Variants in TNFSF15 observed in about 807,000 individuals in gnomAD.
The protein encoded by TNFSF15 is TNF superfamily member 15.
A neutral mutation model predicts 26.4 loss-of-function variants in TNFSF15; 15 were observed. That is an observed-to-expected ratio of 0.57 (90% confidence interval 0.38 to 0.87). The LOEUF (loss-of-function observed/expected upper bound fraction) is 0.87. TNFSF15 is among the 40% of genes least tolerant of loss of function. The probability of loss-of-function intolerance (pLI) is 0.00; values close to 1 mark genes in which losing one functional copy is unlikely to be tolerated. For missense variants in TNFSF15, 290 were observed against 306.1 expected (o/e 0.95, Z 0.39); for synonymous variants, 116 against 115.0 (o/e 1.01, Z -0.06).
intron 1 of TNFSF15, among the ~76,000 whole-genome samples, chr9:114,804,903 A>C (rs1219270457): frequency 6.6e-6 from 1 of 152,184 alleles, no homozygotes; most frequent in East Asian, 1.9e-4. Flanking sequence ...TTCCCTTTGC[A>C]ATTTAATACT....
chr9:114,791,638 G>C (rs2131302832), intron 3 of TNFSF15: 1 of 167,418 alleles, frequency 6.0e-6, no homozygotes, highest in East Asian at 1.9e-4. Flanking sequence ...CTTCTGCACT[G>C]TCTTGTTCTT....
At position 114,790,443 on chromosome 9, in the gene TNFSF15, G is replaced by C; in HGVS notation, c.*9C>G. ...AGAGGACTTTCATATAATGATATTT[G>C]CTCTCCTCCTATAGTAAGAAGGCTC... On this transcript the variant is annotated 3_prime_UTR_variant, in exon 4 of 4. Coordinates refer to ENST00000374045, the MANE Select transcript of TNFSF15 (RefSeq NM_005118.4). The C allele has an allele frequency of 6.4e-7, 1 of 1,567,490 alleles. No homozygotes were observed. The highest frequency in any genetic ancestry group is 8.6e-7 in the Non-Finnish European group (1 of 1,156,428).
At chr9:114,791,212 T>G (rs1829592745) in intron 3 of TNFSF15, 1 of 518,550 alleles carries the variant, frequency 1.9e-6, no homozygotes, top group Non-Finnish European at 3.5e-6. Flanking sequence ...GGTTAAGGAA[T>G]CCCCCTATTC....
At chr9:114,799,081 GTCATT>G (rs1829707279) in intron 1 of TNFSF15, among the ~76,000 whole-genome samples, 1 of 152,148 alleles carries the variant, frequency 6.6e-6, no homozygotes, top group South Asian at 2.1e-4. Flanking sequence ...TTATTCTGAG[GTCATT>G]TCATTTCATC....
rs1226087179 is a variant in TNFSF15 at position 114,784,762 on chromosome 9, T to C, written c.*5690A>G. 2 of 152,236 alleles carry C rather than the reference T, an allele frequency of 1.3e-5. No individual in the cohort carries two copies. Among genetic ancestry groups the C allele is most frequent in the Non-Finnish European group, 2.9e-5 (2 of 68,038 alleles). The allele number at this position is 152,236 out of a possible 1,614,324, so 9.4% of individuals were successfully genotyped here. ...TACACTAGTACCCAAAGACATGGGATGCATACCAGTTAAGTACGTATCCAA... is the reference window on the plus strand; with the variant it reads ...TACACTAGTACCCAAAGACATGGGACGCATACCAGTTAAGTACGTATCCAA... On this transcript the variant is annotated 3_prime_UTR_variant, in exon 4 of 4. Transcript: ENST00000374045.
intron 1 of TNFSF15, among the ~76,000 whole-genome samples, chr9:114,798,590 T>A (rs1829702294): frequency 6.6e-6 from 1 of 152,010 alleles, no homozygotes; most frequent in African/African-American, 2.4e-5. Flanking sequence ...AAAGGAGGGG[T>A]CAGCATCACC....
In TNFSF15 at chr9:114,786,511, G is replaced by A. The variant is rs527498138; in HGVS notation, c.*3941C>T. 2.6e-5 allele frequency: 4 copies of A among 152,286 alleles called. No individual in the cohort carries two copies. Among genetic ancestry groups the A allele is most frequent in the South Asian group, 2.1e-4 (1 of 4,824 alleles). The allele number at this position is 152,286 out of a possible 1,614,324, so 9.4% of individuals were successfully genotyped here. On this transcript the variant is annotated 3_prime_UTR_variant, in exon 4 of 4. Coordinates refer to ENST00000374045, the MANE Select transcript of TNFSF15 (RefSeq NM_005118.4). ...GGGTGATGAGAACTGAATAGTTTAG[G>A]TTGAAATGGAGCCAAGAGTTCTGGT...
chr9:114,792,653 A>G lies in TNFSF15; in HGVS notation c.254-199T>C, dbSNP rs933372724. ...ACCACCAAGGACAGGGTGACTCAGA[A>G]GAAAGAGTCTTGAACACAAATGAAT... On this transcript the variant is annotated intron_variant, in intron 2 of 3. Transcript: ENST00000374045. 5 of 1,276,214 alleles carry G rather than the reference A, an allele frequency of 3.9e-6. No individual in the cohort carries two copies. The African/African-American group carries it at 6.0e-5, about 15-fold the overall frequency. The allele number at this position is 1,276,214 out of a possible 1,614,324, so 79.1% of individuals were successfully genotyped here.
At chr9:114,792,275 T>G in intron 3 of TNFSF15, 132 bp downstream of exon 3, 1 of 972,690 alleles carries the variant, frequency 1.0e-6, no homozygotes, top group Non-Finnish European at 1.5e-6. Context: ...ACTGGAATAT[T>G]GAGGGGAGGA....
At chr9:114,793,918 T>C (rs1377498073) in intron 1 of TNFSF15, among the ~76,000 whole-genome samples, 1 of 152,238 alleles carries the variant, frequency 6.6e-6, no homozygotes, top group Non-Finnish European at 1.5e-5. Context: ...TTATTTTCTT[T>C]CCTCTACCAT....
intron 1 of TNFSF15, among the ~76,000 whole-genome samples, chr9:114,800,468 G>A (rs1829731432): frequency 1.3e-5 from 2 of 152,172 alleles, no homozygotes; most frequent in African/African-American, 2.4e-5. Context: ...GTGAATACTT[G>A]GTTGGACTTA....
At chr9:114,792,488 A>C (rs763005168) in intron 2 of TNFSF15, 34 bp from the exon 3 acceptor site, 5 of 1,613,704 alleles carry the variant, frequency 3.1e-6, no homozygotes, top group Non-Finnish European at 3.4e-6. Flanking sequence ...TTTGTATGAG[A>C]CAAAGGGTGA....
At position 114,788,878 on chromosome 9, in the gene TNFSF15, G is replaced by A. The variant is rs536175623; in HGVS notation, c.*1574C>T. ...ACATATTAGCGTAGGAAAATCATAC[G>A]GACTAGAGGATATGAACCCACTGAA... On this transcript the variant is annotated 3_prime_UTR_variant, in exon 4 of 4. Coordinates refer to ENST00000374045, the MANE Select transcript of TNFSF15 (RefSeq NM_005118.4). 14 of 152,232 alleles carry A rather than the reference G, an allele frequency of 9.2e-5. No individual in the cohort carries two copies. The highest frequency in any genetic ancestry group is 2.4e-4 in the African/African-American group (10 of 41,512). 9.4% of individuals were successfully genotyped at this position (152,232 alleles called of 1,614,324 possible).
chr9:114,791,728 A>G (rs757990066), intron 3 of TNFSF15: 4 of 167,168 alleles, frequency 2.4e-5, no homozygotes, highest in Admixed American at 1.3e-4. Flanking sequence ...AAGTTGGCCA[A>G]CTGGTGATAG....
chr9:114,804,757 A>AGTCTGTTTG (rs1237149676), intron 1 of TNFSF15, among the ~76,000 whole-genome samples: 2 of 152,210 alleles, frequency 1.3e-5, no homozygotes, highest in Non-Finnish European at 2.9e-5. Context: ...CCTGAATCAC[A>AGTCTGTTTG]GTCTGTTTGT....
Position 114,793,553 on chromosome 9 carries a change from C to G in TNFSF15, c.226G>C (p.Glu76Gln). 1 of 1,613,902 alleles carries G rather than the reference C, an allele frequency of 6.2e-7. No individual in the cohort carries two copies. The highest frequency in any genetic ancestry group is 8.5e-7 in the Non-Finnish European group (1 of 1,179,802). ...ACTTGCTGATGTGAAGGTGCAAACT[C>G]CTGTCCTTTTAGAGCCTATTGGGAA... Reference protein sequence around the residue: ...CVQFQALKGQEFAPSHQQVYA... With the variant: ...CVQFQALKGQQFAPSHQQVYA... The change falls in exon 2 of 4, where the codon GAG becomes CAG. Residue 76 changes from glutamate to glutamine, a missense_variant. By Grantham distance (29) the Glu-to-Gln change is conservative (BLOSUM62 2). Coordinates refer to ENST00000374045, the MANE Select transcript of TNFSF15 (RefSeq NM_005118.4).
At chr9:114,796,889 G>A (rs1307813763) in intron 1 of TNFSF15, among the ~76,000 whole-genome samples, 1 of 152,212 alleles carries the variant, frequency 6.6e-6, no homozygotes, top group Non-Finnish European at 1.5e-5. Context: ...CACCTATCCA[G>A]AATCAATAAC....
Position 114,786,594 on chromosome 9 carries a change from C to T in TNFSF15, c.*3858G>A, listed in dbSNP as rs912885070. On this transcript the variant is annotated 3_prime_UTR_variant, in exon 4 of 4. Transcript: ENST00000374045. ...CAGGAAGTGAAAACGTACACTTTTCCCTTTTCTTACTGTACCTTAGTAAAA... is the reference window on the plus strand; with the variant it reads ...CAGGAAGTGAAAACGTACACTTTTCTCTTTTCTTACTGTACCTTAGTAAAA... 4 of 152,102 alleles carry T rather than the reference C, an allele frequency of 2.6e-5. No individual in the cohort carries two copies. The highest frequency in any genetic ancestry group is 5.9e-5 in the Non-Finnish European group (4 of 68,030). 9.4% of individuals were successfully genotyped at this position (152,102 alleles called of 1,614,324 possible). A position where few individuals can be genotyped will look rare whatever the true frequency, so the allele number is the denominator to read the frequency against.
rs1829470292 is a variant in TNFSF15, at chr9:114,784,852, G to A, written c.*5600C>T. ...AACATAAAACATAAAATCAATGAAAGCACATGGGGTTTGTCACTAAAACCA... is the reference window on the plus strand; with the variant it reads ...AACATAAAACATAAAATCAATGAAAACACATGGGGTTTGTCACTAAAACCA... On this transcript the variant is annotated 3_prime_UTR_variant, in exon 4 of 4. Coordinates refer to ENST00000374045, the MANE Select transcript of TNFSF15 (RefSeq NM_005118.4). The A allele has an allele frequency of 1.3e-5, 2 of 152,174 alleles. No homozygotes were observed. Among genetic ancestry groups the A allele is most frequent in the South Asian group, 4.1e-4 (2 of 4,832 alleles). 9.4% of individuals were successfully genotyped at this position (152,174 alleles called of 1,614,324 possible).
Sources: gnomAD v4.1 joint callset for allele counts (sites outside exome capture counted in the v4.1 genomes callset) on GRCh38, gnomAD v4.1.1 for gene constraint, MANE v1.5 for transcripts, NCBI Gene and HGNC (gene_info 2026-07-23, HGNC 2026-07-21) for gene names.